GLRB: variants seen among roughly 807,000 people sequenced by gnomAD.
GLRB encodes glycine receptor beta.
A neutral mutation model predicts 54.2 loss-of-function variants in GLRB; 33 were observed. The observed-to-expected ratio is 0.61, with a 90% confidence interval of 0.46 to 0.81. The LOEUF (loss-of-function observed/expected upper bound fraction) is 0.81. Ranked by LOEUF, GLRB falls within the 40% of genes least tolerant of loss-of-function variation. The pLI is 0.00. For synonymous variants in GLRB, 209 were observed against 208.2 expected (o/e 1.00, Z -0.03); for missense variants, 572 against 584.6 (o/e 0.98, Z 0.22).
chr4:157,147,935 G>C (rs1029905793), intron 8 of GLRB, among the ~76,000 whole-genome samples: 1 of 152,156 alleles, frequency 6.6e-6, no homozygotes, highest in Non-Finnish European at 1.5e-5. Context: ...AACTGAACGA[G>C]TATGGATGTG....
rs893245245 is a variant in GLRB at position 157,145,989 on chromosome 4, T to C, written c.904+2030T>C. ...GATAACAGCGATGAGGGGTGGACTATGTAGCATCTGCTGAAAAATCCTGAT... is the reference window on the plus strand; with the variant it reads ...GATAACAGCGATGAGGGGTGGACTACGTAGCATCTGCTGAAAAATCCTGAT... On this transcript the variant is annotated intron_variant, in intron 8 of 9. Coordinates refer to ENST00000264428, the MANE Select transcript of GLRB (RefSeq NM_000824.5). Among the ~76,000 whole-genome samples the C allele has an allele frequency of 4.0e-5, 6 of 151,590 alleles. No individual in the cohort carries two copies. In the South Asian group the frequency reaches 1.2e-3, roughly 32 times the overall value.
At chr4:157,144,816 A>C (rs552403477) in intron 8 of GLRB, among the ~76,000 whole-genome samples, 2 of 152,312 alleles carry the variant, frequency 1.3e-5, no homozygotes, top group South Asian at 2.1e-4. Flanking sequence ...TACTGGAGGA[A>C]TTAAATGAAA....
At chr4:157,132,497 A>C (rs1736253250) in intron 4 of GLRB, among the ~76,000 whole-genome samples, 1 of 151,724 alleles carries the variant, frequency 6.6e-6, no homozygotes, top group African/African-American at 2.4e-5. Context: ...CCACCTGTCA[A>C]AGTTTTTACT....
At chr4:157,162,381 G>A (rs552313178) in intron 9 of GLRB, among the ~76,000 whole-genome samples, 459 of 152,278 alleles carry the variant, frequency 3.0e-3, no homozygotes, top group African/African-American at 0.01. Flanking sequence ...CGTTGCTGGC[G>A]AGGAGCTGCA....
rs558959770 is a variant in GLRB, at chr4:157,165,480, T to C, written c.1198-4952T>C. 2.3e-4 allele frequency among the ~76,000 whole-genome samples: 35 copies of C among 152,090 alleles called. 1 individual carries two copies. The highest frequency in any genetic ancestry group is 8.4e-4 in the African/African-American group (35 of 41,550). The stretch of plus-strand genomic sequence containing the variant: ...GATTGTAGGAAATGTTTGAAGCTGA[T>C]GTATAAAATAATATTGTGCTTCCTA... On this transcript the variant is annotated intron_variant, in intron 9 of 9. Transcript: ENST00000264428.
At chr4:157,159,685 A>G (rs544164474) in intron 9 of GLRB, among the ~76,000 whole-genome samples, 10 of 152,166 alleles carry the variant, frequency 6.6e-5, no homozygotes, top group Non-Finnish European at 1.2e-4. Context: ...GATGAGGCCA[A>G]TGTGATCATG....
intron 2 of GLRB, among the ~76,000 whole-genome samples, chr4:157,099,623 A>C (rs890335719): frequency 3.9e-5 from 6 of 152,204 alleles, no homozygotes; most frequent in African/African-American, 7.2e-5. Context: ...GATGTGAGCC[A>C]CTTTGCCCAG....
chr4:157,135,575 G>C (rs1736368449), intron 4 of GLRB, among the ~76,000 whole-genome samples: 1 of 151,992 alleles, frequency 6.6e-6, no homozygotes, highest in Non-Finnish European at 1.5e-5. Flanking sequence ...TCATGCCTTT[G>C]CTCCTCCTTC....
Position 157,092,793 on chromosome 4 carries a change from G to T in GLRB, c.122+14647G>T, listed in dbSNP as rs79627706. On this transcript the variant is annotated intron_variant, in intron 2 of 9. Coordinates refer to ENST00000264428, the MANE Select transcript of GLRB (RefSeq NM_000824.5). ...AGAGTGTTTGTATAGCTTTCTTAAG[G>T]TCATAAAGTCAGTCAGTAGTAGTCA... is the stretch of plus-strand genomic sequence containing the variant. 7.8e-3 allele frequency among the ~76,000 whole-genome samples: 1,188 copies of T among 152,262 alleles called. 22 individuals carry two copies. In the East Asian group the frequency reaches 0.1, roughly 13 times the overall value.
Position 157,136,671 on chromosome 4 carries a change from G to T in GLRB, c.500G>T (p.Arg167Leu), listed in dbSNP as rs200253694. 6.2e-7 allele frequency: 1 copy of T among 1,609,432 alleles called. No individual in the cohort carries two copies. The highest frequency in any genetic ancestry group is 8.5e-7 in the Non-Finnish European group (1 of 1,175,872). ...GAAAACATCCTCCTCTTTATTTTTC[G>T]TGATGGAGATGTCCTTGTCAGCATG... is the stretch of plus-strand genomic sequence containing the variant. ...TQENILLFIF[R>L]DGDVLVSMRL... Residue 167 changes from arginine to leucine, a missense_variant, in exon 5 of 10, where the codon CGT (arginine) becomes CTT (leucine). Transcript: ENST00000264428.
chr4:157,171,458 A>G lies in GLRB; in HGVS notation c.*730A>G, dbSNP rs1737919481. Reference sequence around the variant, plus strand: ...TTTAGGATAAACAAAATTCTATTTAATCCACCTTAAAACCTAAATGTATTT... The same window carrying G: ...TTTAGGATAAACAAAATTCTATTTAGTCCACCTTAAAACCTAAATGTATTT... On this transcript the variant is annotated 3_prime_UTR_variant, in exon 10 of 10. Transcript: ENST00000264428. 6.6e-6 allele frequency: 1 copy of G among 152,314 alleles called. No individual in the cohort carries two copies. The highest frequency in any genetic ancestry group is 2.4e-5 in the African/African-American group (1 of 41,456). 9.4% of individuals were successfully genotyped at this position (152,314 alleles called of 1,614,324 possible). A position where few individuals can be genotyped will look rare whatever the true frequency, so the allele number is the denominator to read the frequency against.
chr4:157,108,250 A>G (rs1311386331), intron 2 of GLRB, among the ~76,000 whole-genome samples: 1 of 152,104 alleles, frequency 6.6e-6, no homozygotes, highest in East Asian at 1.9e-4. Context: ...TTCACGTTTT[A>G]TTATCTAAGA....
At chr4:157,163,683 C>T (rs1344000882) in intron 9 of GLRB, among the ~76,000 whole-genome samples, 2 of 152,020 alleles carry the variant, frequency 1.3e-5, no homozygotes, top group Admixed American at 6.6e-5. Flanking sequence ...TTGGCATTTC[C>T]ACTTGCTGGC....
At chr4:157,138,363 C>T (rs552131062) in intron 6 of GLRB, among the ~76,000 whole-genome samples, 9 of 152,212 alleles carry the variant, frequency 5.9e-5, no homozygotes, top group South Asian at 4.1e-4. Flanking sequence ...TGTCAGCCAC[C>T]GCACCAGGCC....
intron 4 of GLRB, among the ~76,000 whole-genome samples, chr4:157,123,461 T>G (rs1735906200): frequency 6.6e-6 from 1 of 151,828 alleles, no homozygotes; most frequent in Admixed American, 6.6e-5. Flanking sequence ...TATTTATTTG[T>G]AGAAGTATAT....
chr4:157,120,027 T>C (rs1406044284), intron 2 of GLRB, among the ~76,000 whole-genome samples: 4 of 151,544 alleles, frequency 2.6e-5, no homozygotes, highest in Non-Finnish European at 5.9e-5. Context: ...ATGTGGCACA[T>C]ATACACCATG....
intron 2 of GLRB, among the ~76,000 whole-genome samples, chr4:157,119,026 C>T (rs150552270): frequency 2.6e-5 from 4 of 151,610 alleles, no homozygotes; most frequent in African/African-American, 9.6e-5. Context: ...AAACATTTTC[C>T]TTGGCTTCCA....
At chr4:157,159,282 G>A (rs1268266308) in intron 9 of GLRB, among the ~76,000 whole-genome samples, 2 of 152,140 alleles carry the variant, frequency 1.3e-5, no homozygotes, top group Non-Finnish European at 2.9e-5. Context: ...TGCAAACAGG[G>A]ACAACTTGAC....
chr4:157,123,466 G>T (rs1735906371), intron 4 of GLRB, among the ~76,000 whole-genome samples: 1 of 151,706 alleles, frequency 6.6e-6, no homozygotes, highest in Non-Finnish European at 1.5e-5. Context: ...ATTTGTAGAA[G>T]TATATATTTA....
Sources: allele counts gnomAD v4.1 joint callset (sites outside exome capture counted in the v4.1 genomes callset), GRCh38; gene constraint gnomAD v4.1.1; transcripts MANE v1.5; gene names NCBI Gene and HGNC (gene_info 2026-07-23, HGNC 2026-07-21).